The following CEP350 variants were observed in gnomAD, a reference collection of about 807,000 sequenced individuals.
CEP350 encodes centrosomal protein 350.
A neutral mutation model predicts 331.8 loss-of-function variants in CEP350; 126 were observed. The ratio of observed to expected loss-of-function variants is 0.38; its 90% CI spans 0.33 to 0.44. CEP350 has a LOEUF of 0.44. Ranked by LOEUF, CEP350 falls within the 20% of genes least tolerant of loss-of-function variation. CEP350 has a pLI of 1.00. For synonymous variants in CEP350, 1,200 were observed against 1,259.5 expected, an observed-to-expected ratio of 0.95 and a Z score of 1.00; for missense variants, 3,406 against 3,634.6, an observed-to-expected ratio of 0.94 and a Z score of 1.62.
intron 21 of CEP350, among the ~76,000 whole-genome samples, chr1:180,046,218 C>G (rs1481361308): frequency 6.6e-6 from 1 of 152,162 alleles, no homozygotes; most frequent in Non-Finnish European, 1.5e-5. Flanking sequence ...GAAAGAAACT[C>G]AGTAACCATT....
chr1:180,042,167 C>CACACACACACACAT (rs3223192), intron 19 of CEP350, among the ~76,000 whole-genome samples: 1 of 150,198 alleles, frequency 6.7e-6, no homozygotes, highest in African/African-American at 2.5e-5. Flanking sequence ...CACACACACA[C>CACACACACACACAT]ATCTCCCTAT....
intron 14 of CEP350, among the ~76,000 whole-genome samples, chr1:180,027,405 G>T (rs1165709109): frequency 6.6e-6 from 1 of 151,984 alleles, no homozygotes; most frequent in Non-Finnish European, 1.5e-5. Context: ...TTGAGATAGG[G>T]TCTCACTCTA....
chr1:180,060,099 A>G (rs1053801268), intron 25 of CEP350, among the ~76,000 whole-genome samples: 3 of 152,228 alleles, frequency 2.0e-5, no homozygotes, highest in African/African-American at 7.2e-5. Context: ...GTACACAATC[A>G]TTGTATACTC....
chr1:179,999,682 C>T (rs1653732595), intron 6 of CEP350, among the ~76,000 whole-genome samples: 1 of 152,094 alleles, frequency 6.6e-6, no homozygotes, highest in Admixed American at 6.6e-5. Flanking sequence ...CTGGAGGTTA[C>T]TTGTGTTAAC....
chr1:180,038,369 G>A (rs12184270), intron 17 of CEP350, among the ~76,000 whole-genome samples: 21,373 of 151,972 alleles, frequency 0.14, 1,575 homozygotes, highest in African/African-American at 0.17. Context: ...AAACAACTCT[G>A]TGCATACTAC....
chr1:179,967,220 C>A (rs139593705), intron 1 of CEP350, among the ~76,000 whole-genome samples: 27 of 152,062 alleles, frequency 1.8e-4, no homozygotes, highest in African/African-American at 6.5e-4. Flanking sequence ...GGATATTTTT[C>A]CAAAGAAAAT....
chr1:180,038,384 G>A (rs1244335388), intron 17 of CEP350, among the ~76,000 whole-genome samples: 1 of 152,042 alleles, frequency 6.6e-6, no homozygotes, highest in African/African-American at 2.4e-5. Flanking sequence ...TACTACATAT[G>A]TTTTCATTTT....
chr1:180,104,721 G>A (rs972025902), intron 37 of CEP350, among the ~76,000 whole-genome samples: 13 of 152,038 alleles, frequency 8.6e-5, no homozygotes, highest in African/African-American at 3.1e-4. Flanking sequence ...GTATTAAGTG[G>A]CATCTAAGGA....
At chr1:179,991,917 T>C in intron 4 of CEP350, 145 bp from the exon 5 acceptor site, 2 of 666,426 alleles carry the variant, frequency 3.0e-6, no homozygotes, top group Non-Finnish European at 2.2e-6. Context: ...TTATATAATA[T>C]CCAACTAGAG....
chr1:180,030,400 C>T (rs1337326503), intron 14 of CEP350, among the ~76,000 whole-genome samples: 1 of 149,542 alleles, frequency 6.7e-6, no homozygotes, highest in Non-Finnish European at 1.5e-5. Context: ...ATTTGGGCCA[C>T]TATTAAAATT....
intron 1 of CEP350, among the ~76,000 whole-genome samples, chr1:179,978,850 C>A (rs1387937648): frequency 6.6e-6 from 1 of 152,028 alleles, no homozygotes; most frequent in Non-Finnish European, 1.5e-5. Context: ...CATTTGGTTA[C>A]TGTTTACATG....
intron 22 of CEP350, among the ~76,000 whole-genome samples, chr1:180,051,484 A>G (rs73034486): frequency 0.14 from 21,402 of 152,062 alleles, 1,594 homozygotes; most frequent in African/African-American, 0.17. Context: ...TGCACGGAGC[A>G]ACGTTTAGGA....
intron 5 of CEP350, 129 bp from the exon 6 acceptor site, chr1:179,996,424 G>A: frequency 1.5e-6 from 1 of 653,182 alleles, no homozygotes. Context: ...GCTAAATCAA[G>A]TTATTTAACA....
chr1:179,966,180 ATTAGTTG>A (rs1223719047), intron 1 of CEP350, among the ~76,000 whole-genome samples: 3 of 152,190 alleles, frequency 2.0e-5, no homozygotes, highest in Non-Finnish European at 4.4e-5. Context: ...TTTCTTAACA[ATTAGTTG>A]CTTAAGCTTT....
chr1:180,010,881 A>AT (rs1173507024), intron 8 of CEP350, among the ~76,000 whole-genome samples: 2 of 152,260 alleles, frequency 1.3e-5, no homozygotes, highest in African/African-American at 4.8e-5. Flanking sequence ...AAGTGCTGGG[A>AT]TTATAGGCAT....
At chr1:179,957,487 A>T (rs1377692587) in intron 1 of CEP350, among the ~76,000 whole-genome samples, 6 of 152,124 alleles carry the variant, frequency 3.9e-5, no homozygotes, top group African/African-American at 1.4e-4. Flanking sequence ...TGCCTTTCTC[A>T]TCTGGTCTGT....
intron 37 of CEP350, among the ~76,000 whole-genome samples, chr1:180,110,119 T>C (rs1007061563): frequency 7.2e-5 from 11 of 152,214 alleles, no homozygotes; most frequent in African/African-American, 2.7e-4. Context: ...AATATTACAT[T>C]TGAAAAATAC....
At chr1:179,969,128 A>G (rs1651241061) in intron 1 of CEP350, 2 of 655,800 alleles carry the variant, frequency 3.0e-6, no homozygotes, top group African/African-American at 3.6e-5. Context: ...GTGCAACAAT[A>G]AGGAAGCTCA....
chr1:180,101,674 C>G (rs1201264067), intron 37 of CEP350, among the ~76,000 whole-genome samples: 3 of 152,146 alleles, frequency 2.0e-5, no homozygotes, highest in Non-Finnish European at 2.9e-5. Flanking sequence ...ACTGCCCCTG[C>G]CCCCTCCACA....
Sources: gnomAD v4.1 joint callset for allele counts (sites outside exome capture counted in the v4.1 genomes callset) on GRCh38, gnomAD v4.1.1 for gene constraint, MANE v1.5 for transcripts, NCBI Gene and HGNC (gene_info 2026-07-23, HGNC 2026-07-21) for gene names.